Variants in CD151 observed in about 807,000 individuals in gnomAD.
CD151 encodes CD151 molecule (Raph blood group).
A neutral mutation model predicts 34.2 loss-of-function variants in CD151; 20 were observed. The observed-to-expected ratio is 0.58, with a 90% CI of 0.41 to 0.85. The LOEUF is 0.85. Among genes scored for constraint, CD151 ranks in the 40% least tolerant of loss-of-function variants. The pLI, the probability that CD151 is intolerant of heterozygous loss-of-function variation, is 0.00. For missense variants in CD151, 306 were observed against 324.5 expected, an observed-to-expected ratio of 0.94 and a Z score of 0.44; for synonymous variants, 157 against 131.7, an observed-to-expected ratio of 1.19 and a Z score of -1.32.
At chr11:836,932 C>A in intron 5 of CD151, 89 bp downstream of exon 5, 1 of 1,130,850 alleles carries the variant, frequency 8.8e-7, no homozygotes, top group Non-Finnish European at 1.3e-6. Context: ...TAGCCCCAAC[C>A]CCCACCCCCA....
chr11:833,097 G>GGCGAGGGGCGCGAGGGGGGCGAGGGGC (rs1846585516), intron 1 of CD151, 71 bp downstream of exon 1: 2 of 150,846 alleles, frequency 1.3e-5, no homozygotes, highest in African/African-American at 2.4e-5. Context: ...GCGCGAGGGG[G>GGCGAGGGGCGCGAGGGGGGCGAGGGGC]GCGAGGGGCG....
intron 4 of CD151, 41 bp from the exon 5 acceptor site, chr11:836,728 T>C: frequency 6.3e-7 from 1 of 1,590,284 alleles, no homozygotes; most frequent in Non-Finnish European, 8.6e-7. Context: ...GTCTAGGCAC[T>C]AGGCCTCAGA....
chr11:835,945 C>A (rs1333716104), intron 2 of CD151, 118 bp from the exon 3 acceptor site: 2 of 682,548 alleles, frequency 2.9e-6, no homozygotes, highest in East Asian at 2.7e-5. Flanking sequence ...CCTTGGCCCC[C>A]CAAAGTGCTG....
Position 836,461 on chromosome 11 carries a change from C to T in CD151, c.276+19C>T. On this transcript the variant is annotated intron_variant, in intron 4 of 8. Coordinates refer to ENST00000397420, the MANE Select transcript of CD151 (RefSeq NM_004357.5). ...GCGCCTGGTCAGGAGGGCGCAGGGC[C>T]ACGGGGTGGGGGTGGTGCAGATGGG... The T allele has an allele frequency of 6.3e-7, 1 of 1,577,690 alleles. No individual in the cohort carries two copies. Among genetic ancestry groups the T allele is most frequent in the Non-Finnish European group, 8.6e-7 (1 of 1,160,832 alleles).
chr11:833,668 C>T (rs7924806), intron 1 of CD151, among the ~76,000 whole-genome samples: 101,239 of 152,006 alleles, frequency 0.67, 34,456 homozygotes, highest in East Asian at 0.9. Context: ...GGAAGAGGGG[C>T]CACTCCTCAG....
chr11:837,703 G>A lies in CD151; in HGVS notation c.615+85G>A, dbSNP rs554084467. ...TGACTGGCTGTGGGCAGTGGGACAC[G>A]CCTCCAATATCTACCAGGAGGTGGG... On this transcript the variant is annotated intron_variant, in intron 7 of 8. Coordinates refer to ENST00000397420, the MANE Select transcript of CD151 (RefSeq NM_004357.5). 7.5e-5 allele frequency: 104 copies of A among 1,383,912 alleles called. 1 individual carries two copies. Among genetic ancestry groups the A allele is most frequent in the South Asian group, 7.0e-4 (57 of 81,216 alleles). 85.7% of individuals were successfully genotyped at this position (1,383,912 alleles called of 1,614,324 possible).
chr11:834,001 C>T (rs771914699), intron 1 of CD151: 1 of 152,346 alleles, frequency 6.6e-6, no homozygotes, highest in African/African-American at 2.4e-5. Context: ...GTAGCTGCCG[C>T]TGTTTGTGGG....
chr11:837,273 C>T lies in CD151; in HGVS notation c.375C>T (p.Asn125=). 6.2e-7 allele frequency: 1 copy of T among 1,613,070 alleles called. No homozygotes were observed. The highest frequency in any genetic ancestry group is 8.5e-7 in the Non-Finnish European group (1 of 1,179,908). Residue 125 remains asparagine (N), a synonymous_variant, in exon 6 of 9, where the codon AAC becomes AAT. Coordinates refer to ENST00000397420, the MANE Select transcript of CD151 (RefSeq NM_004357.5). ...AGCTGAACACGGAGCTCAAGGAGAA[C>T]CTGAAGGACACCATGACCAAGCGCT... ...YQQLNTELKE[N]LKDTMTKRYH... is the part of the protein sequence containing the mutation.
rs374162358 is a variant in CD151 at position 836,367 on chromosome 11, G to A, written c.201G>A (p.Ala67=). ...CCACAGCCTACATCCTGGTGGTGGC[G>A]GGCACTGTCGTCATGGTGACTGGGG... ...YLATAYILVV[A]GTVVMVTGVL... is the part of the protein sequence containing the mutation. Residue 67 remains alanine, a synonymous_variant, in exon 4 of 9, where the codon GCG becomes GCA. Coordinates refer to ENST00000397420, the MANE Select transcript of CD151 (RefSeq NM_004357.5). 95 of 1,612,308 alleles carry A rather than the reference G, an allele frequency of 5.9e-5. No individual in the cohort carries two copies. The highest frequency in any genetic ancestry group is 3.7e-4 in the Admixed American group (22 of 59,992).
rs540552914 is a variant in CD151, at chr11:837,372, G to T, written c.456+18G>T. The T allele has an allele frequency of 5.9e-5, 95 of 1,611,074 alleles. No individual in the cohort carries two copies. In the South Asian group the frequency reaches 1.0e-3, roughly 17 times the overall value. ...AGCAGGAGGTGGGTGGGTGGTGCTG[G>T]GAGGGCGCGTGCATCCCCAGGGCCT... On this transcript the variant is annotated intron_variant, in intron 6 of 8. Transcript: ENST00000397420.
rs1463638205 is a variant in CD151 at position 836,871 on chromosome 11, GAC to G, written c.351+32_351+33del. The G allele has an allele frequency of 3.1e-6, 5 of 1,600,862 alleles. No homozygotes were observed. The African/African-American group carries it at 4.0e-5, about 13-fold the overall frequency. ...GAGGGGCCTGGGCAGGCCATTCAGA[GAC>G]ACAGACATGCACAGGCGGGGCGGAC... On this transcript the variant is annotated intron_variant, in intron 5 of 8. Transcript: ENST00000397420.
In CD151 at chr11:838,347, C is replaced by T; in HGVS notation, c.*155C>T. ...GCAGCTTCAAGTGCCTTTTGCTGCG[C>T]ACCAATGCCCAGCAGGGGAGGTGAG... On this transcript the variant is annotated 3_prime_UTR_variant, in exon 9 of 9. Coordinates refer to ENST00000397420, the MANE Select transcript of CD151 (RefSeq NM_004357.5). 1.6e-6 allele frequency: 1 copy of T among 633,090 alleles called. No individual in the cohort carries two copies. The highest frequency in any genetic ancestry group is 1.9e-5 in the South Asian group (1 of 53,112). The allele number at this position is 633,090 out of a possible 1,614,324, so 39.2% of individuals were successfully genotyped here. A position where few individuals can be genotyped will look rare whatever the true frequency, so the allele number is the denominator to read the frequency against.
rs1184061430 is a variant in CD151, at chr11:837,593, A to G, written c.590A>G (p.His197Arg). ...TVVALCGQRD[H>R]ASNIYKVEGG... ...GTGGCTCTTTGTGGGCAGCGAGACC[A>G]TGCCTCCAACATCTACAAGGTGGAG... The change falls in exon 7 of 9, where the codon CAT becomes CGT. Residue 197 changes from histidine (H) to arginine (R), a missense_variant. Coordinates refer to ENST00000397420, the MANE Select transcript of CD151 (RefSeq NM_004357.5). 1.2e-6 allele frequency: 2 copies of G among 1,612,516 alleles called. No homozygotes were observed. Among genetic ancestry groups the G allele is most frequent in the East Asian group, 4.5e-5 (2 of 44,840 alleles).
Position 836,064 on chromosome 11 carries a change from C to G in CD151, c.-6C>G. On this transcript the variant is annotated splice_region_variant and 5_prime_UTR_variant, in exon 3 of 9. Transcript: ENST00000397420. ...CTGACCCCTCCCCTGCCTCCTCAGC[C>G]CCAGGATGGGTGAGTTCAACGAGAA... is the stretch of plus-strand genomic sequence containing the variant. 6.2e-7 allele frequency: 1 copy of G among 1,606,048 alleles called. No homozygotes were observed. The highest frequency in any genetic ancestry group is 8.5e-7 in the Non-Finnish European group (1 of 1,173,816).
chr11:836,997 C>G, intron 5 of CD151, 154 bp downstream of exon 5: 1 of 709,356 alleles, frequency 1.4e-6, no homozygotes, highest in East Asian at 2.7e-5. Context: ...GTCTAGGTCT[C>G]TGCAGGGGCA....
In CD151 at chr11:838,378, C is replaced by G; in HGVS notation, c.*186C>G. The G allele has an allele frequency of 6.0e-5, 29 of 482,980 alleles. No individual in the cohort carries two copies. Among genetic ancestry groups the G allele is most frequent in the Non-Finnish European group, 6.7e-5 (18 of 268,424 alleles). The allele number at this position is 482,980 out of a possible 1,614,324, so 29.9% of individuals were successfully genotyped here. A position where few individuals can be genotyped will look rare whatever the true frequency, so the allele number is the denominator to read the frequency against. ...TGCCCAGCAGGGGAGGTGAGGGGGG[C>G]TGGCGGGGCGAAGTTTGGGGGGTGT... On this transcript the variant is annotated 3_prime_UTR_variant, in exon 9 of 9. Coordinates refer to ENST00000397420, the MANE Select transcript of CD151 (RefSeq NM_004357.5).
At position 838,258 on chromosome 11, in the gene CD151, T is replaced by C; in HGVS notation, c.*66T>C. The C allele has an allele frequency of 3.6e-6, 5 of 1,379,162 alleles. No individual in the cohort carries two copies. Among genetic ancestry groups the C allele is most frequent in the Non-Finnish European group, 5.2e-6 (5 of 968,606 alleles). 85.4% of individuals were successfully genotyped at this position (1,379,162 alleles called of 1,614,324 possible). A position where few individuals can be genotyped will look rare whatever the true frequency, so the allele number is the denominator to read the frequency against. ...GCTGAGACCACTGAGTACCAGGGGC[T>C]GGGCTCCCTGATGACACCCACCCTG... On this transcript the variant is annotated 3_prime_UTR_variant, in exon 9 of 9. Coordinates refer to ENST00000397420, the MANE Select transcript of CD151 (RefSeq NM_004357.5).
Position 838,195 on chromosome 11 carries a change from C to G in CD151, c.*3C>G. 6.2e-7 allele frequency: 1 copy of G among 1,612,016 alleles called. No individual in the cohort carries two copies. The highest frequency in any genetic ancestry group is 1.7e-4 in the Middle Eastern group (1 of 6,054). ...GTCTCAAGCTGGAGCACTACTGACC[C>G]TGCCTTGGGCCTTGCTGCTGCTGCA... On this transcript the variant is annotated 3_prime_UTR_variant, in exon 9 of 9. Coordinates refer to ENST00000397420, the MANE Select transcript of CD151 (RefSeq NM_004357.5).
At position 838,388 on chromosome 11, in the gene CD151, G is replaced by T; in HGVS notation, c.*196G>T. On this transcript the variant is annotated 3_prime_UTR_variant, in exon 9 of 9. Coordinates refer to ENST00000397420, the MANE Select transcript of CD151 (RefSeq NM_004357.5). The stretch of plus-strand genomic sequence containing the variant: ...GGGAGGTGAGGGGGGCTGGCGGGGC[G>T]AAGTTTGGGGGGTGTTTTGTGGGGC... 1.4e-4 allele frequency: 77 copies of T among 560,650 alleles called. No individual in the cohort carries two copies. The highest frequency in any genetic ancestry group is 1.8e-4 in the Non-Finnish European group (55 of 313,202). The allele number at this position is 560,650 out of a possible 1,614,324, so 34.7% of individuals were successfully genotyped here.
Sources: gnomAD v4.1 joint callset for allele counts (sites outside exome capture counted in the v4.1 genomes callset) on GRCh38, gnomAD v4.1.1 for gene constraint, MANE v1.5 for transcripts, NCBI Gene and HGNC (gene_info 2026-07-23, HGNC 2026-07-21) for gene names.